Variants in KCNA2 observed in about 807,000 individuals in gnomAD.
KCNA2 encodes potassium voltage-gated channel subfamily A member 2.
Under a neutral mutation model 33.4 loss-of-function variants are expected in KCNA2, and 11 were observed. The observed-to-expected ratio is 0.33, with a 90% CI of 0.21 to 0.55. The LOEUF (loss-of-function observed/expected upper bound fraction) is 0.55. Among genes scored for constraint, KCNA2 ranks in the 20% least tolerant of loss-of-function variants. KCNA2 has a pLI of 0.93. For synonymous variants in KCNA2, 222 were observed against 231.3 expected (o/e 0.96, Z 0.37); for missense variants, 291 against 621.6 (o/e 0.47, Z 5.66).
In KCNA2 at chr1:110,603,538, G is replaced by A; in HGVS notation, c.1245C>T (p.Tyr415=). 1.2e-6 allele frequency: 2 copies of A among 1,614,096 alleles called. No homozygotes were observed. The highest frequency in any genetic ancestry group is 1.7e-6 in the Non-Finnish European group (2 of 1,180,032). ...CTCCCTCTGTCTCCCGGTGGTAGAA[G>A]TAGTTGAAATTGGACACAATGACAG... ...PVPVIVSNFN[Y]FYHRETEGEE... The change falls in exon 3 of 3, where the codon TAC becomes TAT. Residue 415 remains tyrosine (Y), a synonymous_variant. Coordinates refer to ENST00000316361, the MANE Select transcript of KCNA2 (RefSeq NM_004974.4). This position sits in a 1 kb window ranked among gnomAD's most constrained non-coding sequence, Gnocchi z 5.7.
Position 110,603,695 on chromosome 1 carries a change from T to C in KCNA2, c.1088A>G (p.Asp363Gly). 1 of 1,614,008 alleles carries C rather than the reference T, an allele frequency of 6.2e-7. No homozygotes were observed. The highest frequency in any genetic ancestry group is 1.7e-5 in the Admixed American group (1 of 60,012). The change falls in exon 3 of 3, where the codon GAT becomes GGT. Residue 363 changes from aspartate to glycine, a missense_variant. By Grantham distance (94) the Asp-to-Gly change is moderately conservative (BLOSUM62 -1). Coordinates refer to ENST00000316361, the MANE Select transcript of KCNA2 (RefSeq NM_004974.4). This position sits in a 1 kb window ranked among gnomAD's most constrained non-coding sequence, Gnocchi z 5.7. ...ERESQFPSIP[D>G]AFWWAVVSMT... ...GGAGACGACTGCCCACCAGAAGGCA[T>C]CTGGGATGCTGGGGAACTGGGACTC... is the stretch of plus-strand genomic sequence containing the variant.
At chr1:110,630,108 T>C (rs1369590216) in intron 1 of KCNA2, among the ~76,000 whole-genome samples, 1 of 150,102 alleles carries the variant, frequency 6.7e-6, no homozygotes, top group Non-Finnish European at 1.5e-5. Flanking sequence ...CTCTGTCTCC[T>C]GGGTTCAAGC....
In KCNA2 at chr1:110,594,445, C is replaced by G; in HGVS notation, c.*8838G>C. 1 of 985,314 alleles carries G rather than the reference C, an allele frequency of 1.0e-6. No individual in the cohort carries two copies. Among genetic ancestry groups the G allele is most frequent in the Non-Finnish European group, 1.2e-6 (1 of 829,886 alleles). 61.0% of individuals were successfully genotyped at this position (985,314 alleles called of 1,614,324 possible). Reference sequence around the variant, plus strand: ...TAGCATCCTCCACTCATGAGCTTTACAGCTATGTCCCTGATGAAAACTAGA... The same window carrying G: ...TAGCATCCTCCACTCATGAGCTTTAGAGCTATGTCCCTGATGAAAACTAGA... On this transcript the variant is annotated 3_prime_UTR_variant, in exon 3 of 3. Transcript: ENST00000316361.
At position 110,601,645 on chromosome 1, in the gene KCNA2, GAGTGT is replaced by G. The variant is rs1357063291; in HGVS notation, c.*1633_*1637del. The G allele has an allele frequency of 1.4e-4, 142 of 1,032,192 alleles. No individual in the cohort carries two copies. Among genetic ancestry groups the G allele is most frequent in the Non-Finnish European group, 1.6e-4 (140 of 861,364 alleles). 63.9% of individuals were successfully genotyped at this position (1,032,192 alleles called of 1,614,324 possible). A position where few individuals can be genotyped will look rare whatever the true frequency, so the allele number is the denominator to read the frequency against. ...AACGTCTAGGAATCCATGGATACCGGAGTGTCTGAGGCAATGGCAGCAAACCCAGG... is the reference window on the plus strand; with the variant it reads ...AACGTCTAGGAATCCATGGATACCGGCTGAGGCAATGGCAGCAAACCCAGG... On this transcript the variant is annotated 3_prime_UTR_variant, in exon 3 of 3. Transcript: ENST00000316361.
In KCNA2 at chr1:110,601,792, ATATGTGTGTGTG is replaced by A. The variant is rs1431311180; in HGVS notation, c.*1479_*1490del. On this transcript the variant is annotated 3_prime_UTR_variant, in exon 3 of 3. Transcript: ENST00000316361. ...CCAGAAAATGAATATATATATATAT[ATATGTGTGTGTG>A]TGTGTGTGTGTGTGTGTGTGTGTGT... 2.1e-5 allele frequency: 23 copies of A among 1,110,020 alleles called. No homozygotes were observed. Among genetic ancestry groups the A allele is most frequent in the East Asian group, 1.7e-4 (4 of 23,162 alleles). The allele number at this position is 1,110,020 out of a possible 1,614,324, so 68.8% of individuals were successfully genotyped here.
chr1:110,617,865 G>A (rs1351471410), intron 1 of KCNA2, among the ~76,000 whole-genome samples: 2 of 152,222 alleles, frequency 1.3e-5, no homozygotes, highest in African/African-American at 4.8e-5. Context: ...ATACATGGGG[G>A]TTTGTGGGGC....
chr1:110,623,829 T>C (rs189668259), intron 1 of KCNA2, among the ~76,000 whole-genome samples: 180 of 151,820 alleles, frequency 1.2e-3, no homozygotes, highest in African/African-American at 4.2e-3. Flanking sequence ...CCAAAGAACA[T>C]ATACTAATGG....
In KCNA2 at chr1:110,602,267, C is replaced by T. The variant is rs1388098204; in HGVS notation, c.*1016G>A. On this transcript the variant is annotated 3_prime_UTR_variant, in exon 3 of 3. Coordinates refer to ENST00000316361, the MANE Select transcript of KCNA2 (RefSeq NM_004974.4). ...TTTTCCCCTGATGGAGGGATTTTTGCCTTCTGATGGGAAAAAAACCCCTAG... is the reference window on the plus strand; with the variant it reads ...TTTTCCCCTGATGGAGGGATTTTTGTCTTCTGATGGGAAAAAAACCCCTAG... 6.6e-7 allele frequency: 1 copy of T among 1,513,962 alleles called. No homozygotes were observed. The highest frequency in any genetic ancestry group is 1.4e-5 in the African/African-American group (1 of 71,998). The allele number at this position is 1,513,962 out of a possible 1,614,324, so 93.8% of individuals were successfully genotyped here. A position where few individuals can be genotyped will look rare whatever the true frequency, so the allele number is the denominator to read the frequency against.
chr1:110,627,429 A>G (rs115817665), intron 1 of KCNA2, among the ~76,000 whole-genome samples: 40 of 152,320 alleles, frequency 2.6e-4, no homozygotes, highest in African/African-American at 9.4e-4. Context: ...CCTCCCTTGA[A>G]GTGTGAAGTC....
Position 110,601,875 on chromosome 1 carries a change from CAT to C in KCNA2, c.*1406_*1407del, listed in dbSNP as rs1213228686. ...ATGTATATATATACACCCTAGTGCA[CAT>C]AGTCAAACACATGCATAAATTGCCC... On this transcript the variant is annotated 3_prime_UTR_variant, in exon 3 of 3. Transcript: ENST00000316361. 7 of 1,446,988 alleles carry C rather than the reference CAT, an allele frequency of 4.8e-6. 1 individual carries two copies. Among genetic ancestry groups the C allele is most frequent in the South Asian group, 4.4e-5 (3 of 68,536 alleles). The allele number at this position is 1,446,988 out of a possible 1,614,324, so 89.6% of individuals were successfully genotyped here. A position where few individuals can be genotyped will look rare whatever the true frequency, so the allele number is the denominator to read the frequency against.
chr1:110,601,943 G>A lies in KCNA2; in HGVS notation c.*1340C>T, dbSNP rs542317561. 37 of 1,496,776 alleles carry A rather than the reference G, an allele frequency of 2.5e-5. No individual in the cohort carries two copies. Among genetic ancestry groups the A allele is most frequent in the Non-Finnish European group, 3.2e-5 (36 of 1,122,986 alleles). The allele number at this position is 1,496,776 out of a possible 1,614,324, so 92.7% of individuals were successfully genotyped here. On this transcript the variant is annotated 3_prime_UTR_variant, in exon 3 of 3. Coordinates refer to ENST00000316361, the MANE Select transcript of KCNA2 (RefSeq NM_004974.4). Reference sequence around the variant, plus strand: ...GCATAAGCTTGTACAATGTTCAAATGCAATTTCTTTTCTATCACTAGCTAG... The same window carrying A: ...GCATAAGCTTGTACAATGTTCAAATACAATTTCTTTTCTATCACTAGCTAG...
chr1:110,628,514 A>G (rs1401935327), intron 1 of KCNA2, among the ~76,000 whole-genome samples: 1 of 150,762 alleles, frequency 6.6e-6, no homozygotes, highest in Non-Finnish European at 1.5e-5. Flanking sequence ...AGAGAGCAAA[A>G]CTCCCTCACC....
intron 1 of KCNA2, among the ~76,000 whole-genome samples, chr1:110,616,556 A>G (rs1288202299): frequency 1.3e-5 from 2 of 152,226 alleles, no homozygotes; most frequent in Non-Finnish European, 2.9e-5. Context: ...CTAAGGAAAA[A>G]ACAACAGAGC....
At position 110,596,919 on chromosome 1, in the gene KCNA2, C is replaced by T. The variant is rs2101360404; in HGVS notation, c.*6364G>A. On this transcript the variant is annotated 3_prime_UTR_variant, in exon 3 of 3. Transcript: ENST00000316361. ...TGATTGTCCAGTCTGAACATTTAAG[C>T]TCACAGATGTTAGGAAAGGGGACTC... The T allele has an allele frequency of 1.0e-6, 1 of 985,440 alleles. No individual in the cohort carries two copies. Among genetic ancestry groups the T allele is most frequent in the South Asian group, 4.7e-5 (1 of 21,280 alleles). The allele number at this position is 985,440 out of a possible 1,614,324, so 61.0% of individuals were successfully genotyped here. A position where few individuals can be genotyped will look rare whatever the true frequency, so the allele number is the denominator to read the frequency against.
In KCNA2 at chr1:110,600,147, T is replaced by C. The variant is rs1649273724; in HGVS notation, c.*3136A>G. Reference sequence around the variant, plus strand: ...ACATCTGATCTTTTGTTTGTGCCTGTTAATTCATAGCTCTGGGGGCAGGGC... The same window carrying C: ...ACATCTGATCTTTTGTTTGTGCCTGCTAATTCATAGCTCTGGGGGCAGGGC... On this transcript the variant is annotated 3_prime_UTR_variant, in exon 3 of 3. Coordinates refer to ENST00000316361, the MANE Select transcript of KCNA2 (RefSeq NM_004974.4). 1.3e-5 allele frequency: 13 copies of C among 984,428 alleles called. No individual in the cohort carries two copies. Among genetic ancestry groups the C allele is most frequent in the Non-Finnish European group, 1.3e-5 (11 of 829,760 alleles). The allele number at this position is 984,428 out of a possible 1,614,324, so 61.0% of individuals were successfully genotyped here.
chr1:110,620,867 T>C (rs1017242848), intron 1 of KCNA2, among the ~76,000 whole-genome samples: 1 of 152,182 alleles, frequency 6.6e-6, no homozygotes, highest in African/African-American at 2.4e-5. Context: ...AGTGCGTCTA[T>C]CCACCGTTAA....
intron 1 of KCNA2, among the ~76,000 whole-genome samples, chr1:110,626,360 A>G (rs1415817801): frequency 6.6e-6 from 1 of 152,212 alleles, no homozygotes; most frequent in African/African-American, 2.4e-5. Flanking sequence ...AAAGCAGTGT[A>G]TTTAGTGTGC....
Position 110,599,467 on chromosome 1 carries a change from A to G in KCNA2, c.*3816T>C. The G allele has an allele frequency of 1.0e-6, 1 of 985,416 alleles. No individual in the cohort carries two copies. Among genetic ancestry groups the G allele is most frequent in the Non-Finnish European group, 1.2e-6 (1 of 829,940 alleles). 61.0% of individuals were successfully genotyped at this position (985,416 alleles called of 1,614,324 possible). A position where few individuals can be genotyped will look rare whatever the true frequency, so the allele number is the denominator to read the frequency against. On this transcript the variant is annotated 3_prime_UTR_variant, in exon 3 of 3. Transcript: ENST00000316361. Reference sequence around the variant, plus strand: ...GCAGGGCATCCAGGGGAGCCCAACAAGAGGAAAAGGAAGAGCGTGCCCGGG... The same window carrying G: ...GCAGGGCATCCAGGGGAGCCCAACAGGAGGAAAAGGAAGAGCGTGCCCGGG...
chr1:110,608,743 G>C (rs1322501672), upstream of KCNA2, among the ~76,000 whole-genome samples: 1 of 152,188 alleles, frequency 6.6e-6, no homozygotes, highest in Non-Finnish European at 1.5e-5. Context: ...TTTGGAGGCA[G>C]TCAGATGGAA....
Sources: allele counts gnomAD v4.1 joint callset (sites outside exome capture counted in the v4.1 genomes callset), GRCh38; gene constraint gnomAD v4.1.1; non-coding constraint Gnocchi (gnomAD v3.1); transcripts MANE v1.5; gene names NCBI Gene and HGNC (gene_info 2026-07-23, HGNC 2026-07-21).